Variants in ALMS1 observed in about 807,000 individuals in gnomAD.
The protein encoded by ALMS1 is centrosome-associated protein ALMS1.
In ALMS1, 271 loss-of-function variants were observed where a neutral mutation model predicts 352.2. The observed-to-expected ratio is 0.77, with a 90% confidence interval of 0.70 to 0.85. The LOEUF is 0.85. Ranked by LOEUF, ALMS1 falls within the 40% of genes least tolerant of loss-of-function variation. The probability of loss-of-function intolerance (pLI) is 0.00; values close to 1 mark genes in which losing one functional copy is unlikely to be tolerated. For synonymous variants in ALMS1, 1,865 were observed against 1,761.2 expected, an observed-to-expected ratio of 1.06 and a Z score of -1.48; for missense variants, 5,445 against 4,870.7, an observed-to-expected ratio of 1.12 and a Z score of -3.51.
At chr2:73,543,021 A>C (rs188742137) in intron 12 of ALMS1, among the ~76,000 whole-genome samples, 10 of 152,294 alleles carry the variant, frequency 6.6e-5, no homozygotes, top group African/African-American at 2.4e-4. Flanking sequence ...CGACTTTTAA[A>C]GTTCATATGG....
chr2:73,534,982 T>C, intron 12 of ALMS1, 33 bp downstream of exon 12: 2 of 1,612,496 alleles, frequency 1.2e-6, no homozygotes, highest in Non-Finnish European at 8.5e-7. Flanking sequence ...AGTTTTATTG[T>C]TTGATATTTT....
intron 16 of ALMS1, among the ~76,000 whole-genome samples, chr2:73,591,004 C>T (rs1675422145): frequency 6.6e-6 from 1 of 151,880 alleles, no homozygotes. Flanking sequence ...GAGATGTGGT[C>T]TTGCTATGTT....
intron 3 of ALMS1, among the ~76,000 whole-genome samples, chr2:73,421,812 G>T (rs889867189): frequency 2.4e-4 from 36 of 152,288 alleles, no homozygotes; most frequent in African/African-American, 8.4e-4. Flanking sequence ...GTGAACTCTA[G>T]ATTTGCAGTA....
chr2:73,393,919 C>A (rs535822425), intron 1 of ALMS1, among the ~76,000 whole-genome samples: 1 of 151,536 alleles, frequency 6.6e-6, no homozygotes, highest in East Asian at 2.0e-4. Flanking sequence ...CTCCTGGGCT[C>A]AAGTGGACCT....
At chr2:73,430,077 CTT>C (rs541160037) in intron 6 of ALMS1, among the ~76,000 whole-genome samples, 15 of 140,106 alleles carry the variant, frequency 1.1e-4, no homozygotes, top group Non-Finnish European at 1.2e-4. Context: ...GTATTACCTA[CTT>C]TTTTTTTTTT....
intron 9 of ALMS1, among the ~76,000 whole-genome samples, chr2:73,480,146 T>C (rs1672664750): frequency 1.3e-5 from 2 of 152,080 alleles, no homozygotes; most frequent in Non-Finnish European, 2.9e-5. Flanking sequence ...TACATATGTA[T>C]ACATGTGCCA....
intron 4 of ALMS1, among the ~76,000 whole-genome samples, chr2:73,423,458 T>C (rs930004273): frequency 6.6e-6 from 1 of 152,216 alleles, no homozygotes; most frequent in African/African-American, 2.4e-5. Context: ...AACAGACATA[T>C]CCAAATGAAC....
rs45522037 is a variant in ALMS1, at chr2:73,490,223, C to T, written c.8264C>T (p.Thr2755Ile). 1 of 1,614,148 alleles carries T rather than the reference C, an allele frequency of 6.2e-7. No homozygotes were observed. Among genetic ancestry groups the T allele is most frequent in the South Asian group, 1.1e-5 (1 of 91,074 alleles). The change falls in exon 10 of 23, where the codon ACT (threonine) becomes ATT (isoleucine). Residue 2755 changes from threonine to isoleucine, a missense_variant. Transcript: ENST00000613296. ...GTGGGGGTATTTAATTCTCATTTCA[C>T]TGAAGAACAAAATCCTCCCAGAGAT... ...ASVGVFNSHF[T>I]EEQNPPRDLK...
intron 9 of ALMS1, chr2:73,459,524 G>C (rs1404061972): frequency 6.6e-6 from 1 of 152,140 alleles, no homozygotes; most frequent in Non-Finnish European, 1.5e-5. Context: ...TCTGTGGTAA[G>C]TTAAAAGTGT....
rs1674640233 is a variant in ALMS1, at chr2:73,560,680, G to A, written c.10384+1538G>A. ...CAACAGATGAATGTATTAAGAAAAT[G>A]GGAATTATTTGTCAATAAAGAAAGC... On this transcript the variant is annotated intron_variant, in intron 15 of 22. Transcript: ENST00000613296. 2.6e-5 allele frequency among the ~76,000 whole-genome samples: 4 copies of A among 152,124 alleles called. No individual in the cohort carries two copies. The South Asian group carries it at 8.3e-4, about 32-fold the overall frequency.
At chr2:73,542,775 G>C (rs1016599850) in intron 12 of ALMS1, among the ~76,000 whole-genome samples, 1 of 152,002 alleles carries the variant, frequency 6.6e-6, no homozygotes, top group Non-Finnish European at 1.5e-5. Flanking sequence ...TTGCTTCAAA[G>C]AGAATAAAAT....
intron 10 of ALMS1, 39 bp downstream of exon 10, chr2:73,491,537 T>G: frequency 1.9e-6 from 3 of 1,604,072 alleles, no homozygotes; most frequent in Non-Finnish European, 2.6e-6. Flanking sequence ...TGGATGGACT[T>G]TGTAATAAAG....
intron 1 of ALMS1, among the ~76,000 whole-genome samples, chr2:73,399,891 T>C (rs1670837810): frequency 6.6e-6 from 1 of 151,926 alleles, no homozygotes; most frequent in Non-Finnish European, 1.5e-5. Flanking sequence ...TATGATCATG[T>C]GGTTTTTCTT....
In ALMS1 at chr2:73,573,168, A is replaced by C; in HGVS notation, c.11291A>C (p.Asp3764Ala). Residue 3764 changes from aspartate to alanine, a missense_variant, in exon 16 of 23, where the codon GAT becomes GCT. Physicochemically the swap from Asp to Ala is moderately radical, Grantham distance 126. Coordinates refer to ENST00000613296, the MANE Select transcript of ALMS1 (RefSeq NM_001378454.1). ...LSGTTSTVES[D>A]ILTQTDREVA... is the part of the protein sequence containing the mutation. Reference sequence around the variant, plus strand: ...GGCACCACTTCTACTGTCGAATCAGATATATTGACCCAAACAGATAGAGAG... The same window carrying C: ...GGCACCACTTCTACTGTCGAATCAGCTATATTGACCCAAACAGATAGAGAG... The C allele has an allele frequency of 2.5e-6, 4 of 1,613,660 alleles. No individual in the cohort carries two copies. The South Asian group carries it at 4.4e-5, about 18-fold the overall frequency.
intron 16 of ALMS1, 126 bp from the exon 17 acceptor site, chr2:73,599,275 C>T: frequency 4.0e-6 from 5 of 1,259,944 alleles, no homozygotes; most frequent in South Asian, 3.7e-5. Flanking sequence ...GTATCTCAAG[C>T]TTCCTCCAAA....
chr2:73,608,411 T>C, intron 21 of ALMS1, 64 bp from the exon 22 acceptor site: 2 of 1,280,930 alleles, frequency 1.6e-6, no homozygotes, highest in Non-Finnish European at 2.3e-6. Flanking sequence ...TGAGAGGAGA[T>C]CTCATGACTC....
Position 73,559,134 on chromosome 2 carries a change from A to G in ALMS1, c.10376A>G (p.Asn3459Ser). The change falls in exon 15 of 23, where the codon AAT becomes AGT. Residue 3459 changes from asparagine to serine, a missense_variant. By Grantham distance (46) the Asn-to-Ser change is conservative. Transcript: ENST00000613296. ...WPNNKESLQI[N>S]IEESECHSEF... ...AACAATAAAGAATCCCTACAGATCAATATTGAAGGTAATGGGATTGGGTTG... is the reference window on the plus strand; with the variant it reads ...AACAATAAAGAATCCCTACAGATCAGTATTGAAGGTAATGGGATTGGGTTG... 1 of 1,613,440 alleles carries G rather than the reference A, an allele frequency of 6.2e-7. No individual in the cohort carries two copies. Among genetic ancestry groups the G allele is most frequent in the Non-Finnish European group, 8.5e-7 (1 of 1,179,672 alleles).
At chr2:73,492,502 C>G (rs1489327957) in intron 10 of ALMS1, among the ~76,000 whole-genome samples, 1 of 152,066 alleles carries the variant, frequency 6.6e-6, no homozygotes, top group Non-Finnish European at 1.5e-5. Flanking sequence ...GGATTTGTTC[C>G]TCTACACAGT....
At chr2:73,436,174 C>A (rs1209311858) in intron 7 of ALMS1, among the ~76,000 whole-genome samples, 2 of 152,184 alleles carry the variant, frequency 1.3e-5, no homozygotes, top group African/African-American at 4.8e-5. Flanking sequence ...GGTTGACAGT[C>A]TTTTTCTTTT....
Sources: allele counts gnomAD v4.1 joint callset (sites outside exome capture counted in the v4.1 genomes callset), GRCh38; gene constraint gnomAD v4.1.1; transcripts MANE v1.5; gene names NCBI Gene and HGNC (gene_info 2026-07-23, HGNC 2026-07-21).